The following OR9Q1 variants were observed in gnomAD, a reference collection of about 807,000 sequenced individuals.
OR9Q1 encodes olfactory receptor family 9 subfamily Q member 1, also known as olfactory receptor 9Q1.
For synonymous variants in OR9Q1, 153 were observed against 148.6 expected (o/e 1.03, Z -0.22); for missense variants, 374 against 378.8 (o/e 0.99, Z 0.11).
intron 1 of OR9Q1, among the ~76,000 whole-genome samples, chr11:58,024,765 C>T (rs981834510): frequency 5.3e-5 from 8 of 152,114 alleles, no homozygotes; most frequent in Admixed American, 2.6e-4. Flanking sequence ...TGTTAATAGC[C>T]CTGGGAGTGT....
At chr11:58,083,550 A>C (rs1853608649) in intron 2 of OR9Q1, among the ~76,000 whole-genome samples, 1 of 151,730 alleles carries the variant, frequency 6.6e-6, no homozygotes, top group Non-Finnish European at 1.5e-5. Context: ...GCCAGAGGGT[A>C]TTTCCTAGGT....
intron 2 of OR9Q1, among the ~76,000 whole-genome samples, chr11:58,128,323 G>C (rs1854108993): frequency 6.7e-6 from 1 of 148,960 alleles, no homozygotes; most frequent in Non-Finnish European, 1.5e-5. Context: ...TTACTATAAA[G>C]CTTTAATAAT....
intron 2 of OR9Q1, among the ~76,000 whole-genome samples, chr11:58,151,744 G>A (rs1011921615): frequency 1.3e-5 from 2 of 151,896 alleles, no homozygotes; most frequent in African/African-American, 4.8e-5. Context: ...GTGAATTTAG[G>A]AATTTATGTC....
At position 58,180,675 on chromosome 11, in the gene OR9Q1, T is replaced by C; in HGVS notation, c.*298T>C. The C allele has an allele frequency of 4.2e-6, 1 of 239,194 alleles. No individual in the cohort carries two copies. 14.8% of individuals were successfully genotyped at this position (239,194 alleles called of 1,614,324 possible). The stretch of plus-strand genomic sequence containing the variant: ...GTCTGTGATTATAAGAGTAATTTTT[T>C]TTGCAAAATTTTTAATGAAAGATTT... On this transcript the variant is annotated 3_prime_UTR_variant, in exon 3 of 3. Transcript: ENST00000335397.
intron 2 of OR9Q1, among the ~76,000 whole-genome samples, chr11:58,089,153 C>G (rs952400283): frequency 6.6e-6 from 1 of 151,776 alleles, no homozygotes; most frequent in Non-Finnish European, 1.5e-5. Context: ...GTTGGGATTA[C>G]AAGCGTGAGC....
intron 1 of OR9Q1, among the ~76,000 whole-genome samples, chr11:58,045,637 G>A (rs1368603089): frequency 6.6e-6 from 1 of 152,190 alleles, no homozygotes; most frequent in Non-Finnish European, 1.5e-5. Flanking sequence ...AAGTGCTAGT[G>A]AGCTGGGATC....
chr11:58,165,130 A>G (rs1437558615), intron 2 of OR9Q1, among the ~76,000 whole-genome samples: 1 of 152,202 alleles, frequency 6.6e-6, no homozygotes, highest in Non-Finnish European at 1.5e-5. Context: ...AGCTCATAGG[A>G]GCAGGGTTCT....
chr11:58,177,367 C>A (rs1854615630), intron 2 of OR9Q1, among the ~76,000 whole-genome samples: 1 of 152,200 alleles, frequency 6.6e-6, no homozygotes, highest in Non-Finnish European at 1.5e-5. Flanking sequence ...CACTTCTGAG[C>A]TGTGCAGCCT....
rs534951883 is a variant in OR9Q1 at position 58,158,743 on chromosome 11, G to A, written c.-14-20688G>A. ...ACCCTTCTGCAGGAATTTGGAATTG[G>A]AACTATGAAAGACTGGTGTTTCTAA... On this transcript the variant is annotated intron_variant, in intron 2 of 2. Transcript: ENST00000335397. 5.3e-5 allele frequency among the ~76,000 whole-genome samples: 8 copies of A among 152,252 alleles called. No individual in the cohort carries two copies. In the South Asian group the frequency reaches 1.7e-3, roughly 32 times the overall value.
intron 2 of OR9Q1, among the ~76,000 whole-genome samples, chr11:58,139,854 G>A (rs1392298537): frequency 3.0e-5 from 3 of 99,980 alleles, no homozygotes; most frequent in Admixed American, 1.2e-4. Flanking sequence ...CTGAGGAATC[G>A]CCACACTGAC....
intron 2 of OR9Q1, chr11:58,144,867 C>G (rs935941898): frequency 2.0e-5 from 3 of 152,436 alleles, no homozygotes; most frequent in Non-Finnish European, 4.4e-5. Context: ...TGTGTAACCC[C>G]CTCCTCTATG....
At position 58,024,084 on chromosome 11, in the gene OR9Q1, C is replaced by T. The variant is rs1852946526; in HGVS notation, c.-113C>T. ...AAAGATCAAACGCCTTTCCCAAACT[C>T]ACAGCTACGGCCTGACGGAGGTAGG... On this transcript the variant is annotated 5_prime_UTR_variant, in exon 1 of 3. Coordinates refer to ENST00000335397, the MANE Select transcript of OR9Q1 (RefSeq NM_001005212.4). 1 of 152,430 alleles carries T rather than the reference C, an allele frequency of 6.6e-6. No homozygotes were observed. The highest frequency in any genetic ancestry group is 1.5e-5 in the Non-Finnish European group (1 of 68,078). 9.4% of individuals were successfully genotyped at this position (152,430 alleles called of 1,614,324 possible). A position where few individuals can be genotyped will look rare whatever the true frequency, so the allele number is the denominator to read the frequency against.
intron 1 of OR9Q1, among the ~76,000 whole-genome samples, chr11:58,024,512 C>T (rs1410128865): frequency 6.6e-6 from 1 of 152,184 alleles, no homozygotes; most frequent in African/African-American, 2.4e-5. Flanking sequence ...AAGCAAATAG[C>T]TACAGGAACC....
intron 2 of OR9Q1, among the ~76,000 whole-genome samples, chr11:58,119,633 G>T (rs1174651103): frequency 6.6e-6 from 1 of 152,180 alleles, no homozygotes; most frequent in Non-Finnish European, 1.5e-5. Context: ...TTATGGAACT[G>T]AGCCTTAAGC....
intron 2 of OR9Q1, chr11:58,057,978 C>G (rs11229240): frequency 6.6e-6 from 1 of 152,108 alleles, no homozygotes. Context: ...GTGACTAGGC[C>G]GCAGAGAAAT....
In OR9Q1 at chr11:58,181,262, ACT is replaced by A. The variant is rs1311666734; in HGVS notation, c.*890_*891del. On this transcript the variant is annotated 3_prime_UTR_variant, in exon 3 of 3. Coordinates refer to ENST00000335397, the MANE Select transcript of OR9Q1 (RefSeq NM_001005212.4). ...TTCAGTGTCTGTATCATAGACATTG[ACT>A]CTCTGTGTTCTGAAAGCTTTTTCCT... 6.0e-6 allele frequency: 1 copy of A among 166,890 alleles called. No homozygotes were observed. Among genetic ancestry groups the A allele is most frequent in the African/African-American group, 2.4e-5 (1 of 41,442 alleles). 10.3% of individuals were successfully genotyped at this position (166,890 alleles called of 1,614,324 possible). A position where few individuals can be genotyped will look rare whatever the true frequency, so the allele number is the denominator to read the frequency against.
intron 2 of OR9Q1, among the ~76,000 whole-genome samples, chr11:58,095,673 G>C (rs952546943): frequency 1.3e-5 from 2 of 152,124 alleles, no homozygotes; most frequent in African/African-American, 4.8e-5. Context: ...CATGAGAACA[G>C]GATGGGTGAA....
At chr11:58,067,189 G>T (rs575799841) in intron 2 of OR9Q1, among the ~76,000 whole-genome samples, 60 of 152,116 alleles carry the variant, frequency 3.9e-4, no homozygotes, top group Non-Finnish European at 7.6e-4. Context: ...CTGCCACCAT[G>T]CCTGGCTAAT....
chr11:58,179,917 T>G lies in OR9Q1; in HGVS notation c.473T>G (p.Val158Gly). The G allele has an allele frequency of 6.2e-7, 1 of 1,614,190 alleles. No individual in the cohort carries two copies. The highest frequency in any genetic ancestry group is 8.5e-7 in the Non-Finnish European group (1 of 1,180,024). ...AYVAGLISAL[V>G]RTVSAFTLSF... ...GTTGCTGGTCTCATCAGTGCCTTGG[T>G]GCGGACAGTCTCAGCCTTCACTCTC... Residue 158 changes from valine to glycine, a missense_variant, in exon 3 of 3, where the codon GTG (valine) becomes GGG (glycine). Coordinates refer to ENST00000335397, the MANE Select transcript of OR9Q1 (RefSeq NM_001005212.4).
Sources: allele counts gnomAD v4.1 joint callset (sites outside exome capture counted in the v4.1 genomes callset), GRCh38; gene constraint gnomAD v4.1.1; transcripts MANE v1.5; gene names NCBI Gene and HGNC (gene_info 2026-07-23, HGNC 2026-07-21).